CCDC149: variants seen among roughly 807,000 people sequenced by gnomAD.
CCDC149 encodes the protein coiled-coil domain-containing protein 149.
CCDC149 carries 45 observed loss-of-function variants against 59.9 expected under a neutral mutation model. That is an observed-to-expected ratio of 0.75 (90% CI 0.59 to 0.96). The LOEUF is 0.96. CCDC149 is among the 40% of genes least tolerant of loss of function. The pLI, the probability that CCDC149 is intolerant of heterozygous loss-of-function variation, is 0.00. For missense variants in CCDC149, 584 were observed against 664.7 expected (o/e 0.88, Z 1.33); for synonymous variants, 245 against 260.6 (o/e 0.94, Z 0.58).
chr4:24,817,148 C>A (rs1417498379), intron 12 of CCDC149, among the ~76,000 whole-genome samples: 1 of 152,190 alleles, frequency 6.6e-6, no homozygotes, highest in Non-Finnish European at 1.5e-5. Context: ...TCAAGCCAGG[C>A]TCATGCTCCG....
intron 9 of CCDC149, among the ~76,000 whole-genome samples, chr4:24,826,202 T>C (rs904176303): frequency 2.0e-5 from 3 of 152,060 alleles, no homozygotes; most frequent in African/African-American, 7.2e-5. Context: ...TCAGGCAACC[T>C]GCCCACCTCA....
intron 1 of CCDC149, among the ~76,000 whole-genome samples, chr4:24,954,524 C>T (rs73105509): frequency 6.6e-6 from 1 of 152,204 alleles, no homozygotes; most frequent in African/African-American, 2.4e-5. Context: ...AGCATTAGCA[C>T]CATGTGGATG....
At chr4:24,962,451 C>G (rs1358190270) in intron 1 of CCDC149, among the ~76,000 whole-genome samples, 1 of 152,192 alleles carries the variant, frequency 6.6e-6, no homozygotes, top group Non-Finnish European at 1.5e-5. Context: ...CCTAGCCATC[C>G]CATTACTGGG....
In CCDC149 at chr4:24,901,673, C is replaced by T. The variant is rs1407487988; in HGVS notation, c.63+11144G>A. ...ATGTTCCCAGTAAGCACTAATCTTC[C>T]TTCCCAAGAGCTCAAGTACTCCCAG... On this transcript the variant is annotated intron_variant, in intron 1 of 12. Transcript: ENST00000635206. Among the ~76,000 whole-genome samples, 3 of 152,134 alleles carry T rather than the reference C, an allele frequency of 2.0e-5. No homozygotes were observed. In the East Asian group the frequency reaches 5.8e-4, roughly 29 times the overall value.
Position 24,928,837 on chromosome 4 carries a change from T to A in CCDC149, c.-64-33719A>T, listed in dbSNP as rs771074364. ...CAAAAGCTGAAATGAGTCCAGAAGG[T>A]CAGGAAGGCAAAGAACAAGAGGAAT... On this transcript the variant is annotated intron_variant, in intron 1 of 12. Coordinates refer to the CCDC149 transcript ENST00000389609. Among the ~76,000 whole-genome samples, 3 of 152,090 alleles carry A rather than the reference T, an allele frequency of 2.0e-5. No individual in the cohort carries two copies. In the East Asian group the frequency reaches 5.8e-4, roughly 29 times the overall value.
chr4:24,820,174 A>G (rs1247462893), intron 11 of CCDC149, 199 bp from the exon 12 acceptor site: 2 of 520,608 alleles, frequency 3.8e-6, no homozygotes, highest in African/African-American at 3.9e-5. Context: ...ACACACACAC[A>G]CACAAAATCC....
Position 24,835,007 on chromosome 4 carries a change from G to A in CCDC149, c.761C>T (p.Ser254Leu), listed in dbSNP as rs200140047. ...GCTGCTGGATTTACCCTGGCCCTTC[G>A]AGTTTTTCCGTCTCTCCAGAGCATT... is the stretch of plus-strand genomic sequence containing the variant. Residue 254 changes from serine (S) to leucine (L), a missense_variant, in exon 8 of 13, where the codon TCG becomes TTG. Transcript: ENST00000635206. 1.1e-5 allele frequency: 17 copies of A among 1,613,826 alleles called. No homozygotes were observed. The East Asian group carries it at 1.1e-4, about 11-fold the overall frequency.
chr4:24,880,167 T>C (rs564788879), intron 1 of CCDC149, among the ~76,000 whole-genome samples: 8 of 152,360 alleles, frequency 5.3e-5, no homozygotes, highest in African/African-American at 1.9e-4. Context: ...CATAGAAAGG[T>C]GGTGGTACCT....
intron 1 of CCDC149, among the ~76,000 whole-genome samples, chr4:24,883,054 T>C (rs1198235095): frequency 6.6e-6 from 1 of 152,218 alleles, no homozygotes; most frequent in African/African-American, 2.4e-5. Context: ...GAGTCAGCAC[T>C]GAATGCTGGA....
intron 1 of CCDC149, among the ~76,000 whole-genome samples, chr4:24,942,589 A>G (rs1209772336): frequency 6.6e-6 from 1 of 152,212 alleles, no homozygotes; most frequent in Non-Finnish European, 1.5e-5. Flanking sequence ...TTCAATTAGG[A>G]AAATAGGAAG....
chr4:24,844,849 G>A (rs1009850048), intron 4 of CCDC149, among the ~76,000 whole-genome samples: 3 of 152,180 alleles, frequency 2.0e-5, no homozygotes, highest in Admixed American at 6.5e-5. Context: ...TTTTGGCCAG[G>A]TAACACTTAG....
chr4:24,873,825 TC>T, intron 2 of CCDC149, 106 bp from the exon 3 acceptor site: 1 of 641,218 alleles, frequency 1.6e-6, no homozygotes, highest in Non-Finnish European at 2.5e-6. Context: ...CTCCCCACCC[TC>T]CCCACCCTGC....
chr4:24,812,277 T>C (rs1714664014), intron 12 of CCDC149, among the ~76,000 whole-genome samples: 1 of 152,250 alleles, frequency 6.6e-6, no homozygotes, highest in African/African-American at 2.4e-5. Context: ...GTTCCCTTTG[T>C]TGATTCTGAT....
chr4:24,822,853 C>T (rs1715499156), intron 9 of CCDC149: 2 of 265,410 alleles, frequency 7.5e-6, no homozygotes, highest in African/African-American at 2.2e-5. Flanking sequence ...ATGACTCCAC[C>T]GCTGCCCAAA....
chr4:24,831,793 CAACAA>C, intron 8 of CCDC149, 143 bp from the exon 9 acceptor site: 1 of 652,066 alleles, frequency 1.5e-6, no homozygotes, highest in Non-Finnish European at 2.4e-6. Context: ...CCTCAAGTGT[CAACAA>C]AACAAAGTAA....
chr4:24,900,903 G>A (rs1052383143), intron 1 of CCDC149, among the ~76,000 whole-genome samples: 19 of 152,194 alleles, frequency 1.2e-4, no homozygotes, highest in Admixed American at 1.2e-3. Context: ...CATTTTGGCT[G>A]AAGCAGCCAG....
chr4:24,813,808 G>C lies in CCDC149; in HGVS notation c.1193-4989C>G, dbSNP rs16876157. ...TTGGTAAAAACTCTGAGAAGCTCTA[G>C]AAGAAATGAAAGAGTGAAATCAGAG... On this transcript the variant is annotated intron_variant, in intron 12 of 12. Transcript: ENST00000635206. Among the ~76,000 whole-genome samples the C allele has an allele frequency of 5.7e-4, 86 of 152,168 alleles. 1 individual carries two copies. The East Asian group carries it at 5.8e-3, about 10-fold the overall frequency.
intron 1 of CCDC149, among the ~76,000 whole-genome samples, chr4:24,958,482 T>A (rs1483950479): frequency 1.3e-5 from 2 of 152,168 alleles, no homozygotes; most frequent in African/African-American, 2.4e-5. Flanking sequence ...GATGGGCACA[T>A]AACATTGAGA....
intron 1 of CCDC149, among the ~76,000 whole-genome samples, chr4:24,891,387 A>G (rs1213379759): frequency 1.3e-5 from 2 of 152,172 alleles, no homozygotes; most frequent in Non-Finnish European, 2.9e-5. Flanking sequence ...AAAGGCTCCC[A>G]TGGGTGACCC....
Sources: gnomAD v4.1 joint callset for allele counts (sites outside exome capture counted in the v4.1 genomes callset) on GRCh38, gnomAD v4.1.1 for gene constraint, MANE v1.5 for transcripts, NCBI Gene and HGNC (gene_info 2026-07-23, HGNC 2026-07-21) for gene names.